PPP2R2B: variants seen among roughly 807,000 people sequenced by gnomAD.
The protein encoded by PPP2R2B is serine/threonine-protein phosphatase 2A 55 kDa regulatory subunit B beta isoform.
Under a neutral mutation model 46.0 loss-of-function variants are expected in PPP2R2B, and 5 were observed. The ratio of observed to expected loss-of-function variants is 0.11; its 90% confidence interval spans 0.06 to 0.23. PPP2R2B has a LOEUF of 0.23. Among genes scored for constraint, PPP2R2B ranks in the 10% least tolerant of loss-of-function variants. The probability of loss-of-function intolerance (pLI) is 1.00; values close to 1 mark genes in which losing one functional copy is unlikely to be tolerated. For synonymous variants in PPP2R2B, 215 were observed against 206.7 expected, an observed-to-expected ratio of 1.04 and a Z score of -0.34; for missense variants, 367 against 575.0, an observed-to-expected ratio of 0.64 and a Z score of 3.70.
Position 146,602,735 on chromosome 5 carries a change from G to A in PPP2R2B, c.791-2275C>T, listed in dbSNP as rs112204686. ...TAGCAACAAAAGCCCTGATCAATCA[G>A]AATTGAAATTGCAAAAATTTTAAAA... On this transcript the variant is annotated intron_variant, in intron 7 of 9. Transcript: ENST00000394411. 8.7e-3 allele frequency among the ~76,000 whole-genome samples: 1,331 copies of A among 152,212 alleles called. 23 individuals are homozygous for A. The highest frequency in any genetic ancestry group is 0.03 in the African/African-American group (1,265 of 41,510).
At chr5:146,718,431 G>A (rs1780616021) in intron 2 of PPP2R2B, among the ~76,000 whole-genome samples, 1 of 151,708 alleles carries the variant, frequency 6.6e-6, no homozygotes, top group African/African-American at 2.4e-5. Context: ...ATTAATATTT[G>A]TAGCCTGATC....
At chr5:146,838,576 A>C (rs914926857) in intron 2 of PPP2R2B, among the ~76,000 whole-genome samples, 24 of 151,816 alleles carry the variant, frequency 1.6e-4, no homozygotes, top group Admixed American at 3.3e-4. Flanking sequence ...ATCTCAAAAA[A>C]AAAAAAAAGA....
At position 146,590,116 on chromosome 5, in the gene PPP2R2B, A is replaced by G; in HGVS notation, c.1163T>C (p.Leu388Pro). The change falls in exon 10 of 10, where the codon CTC becomes CCC. Residue 388 changes from leucine to proline, a missense_variant. Physicochemically the swap from Leu to Pro is moderately conservative, Grantham distance 98 (BLOSUM62 -3). This residue lies in a region of PPP2R2B where 361 missense variants were observed against 545.5 expected (regional missense o/e 0.66). Coordinates refer to ENST00000394411, the MANE Select transcript of PPP2R2B (RefSeq NM_181675.4). ...SRENSKPRAI[L>P]KPRKVCVGGK... ...CCCCACACACACTTTTCGGGGTTTG[A>G]GGATAGCCCGGGGCTTGCTGTTTTC... 1 of 1,614,086 alleles carries G rather than the reference A, an allele frequency of 6.2e-7. No homozygotes were observed. The highest frequency in any genetic ancestry group is 8.5e-7 in the Non-Finnish European group (1 of 1,180,036).
rs1237633037 is a variant in PPP2R2B, at chr5:146,586,599, A to G, written c.*3348T>C. ...ACTTATTTCATTGGGCCACTGAGCT[A>G]GCAGAATTTTAGCTTCATCTTTATT... On this transcript the variant is annotated 3_prime_UTR_variant, in exon 10 of 10. Transcript: ENST00000394411. 1 of 152,234 alleles carries G rather than the reference A, an allele frequency of 6.6e-6. No homozygotes were observed. Among genetic ancestry groups the G allele is most frequent in the African/African-American group, 2.4e-5 (1 of 41,476 alleles). 9.4% of individuals were successfully genotyped at this position (152,234 alleles called of 1,614,324 possible).
At chr5:146,636,553 C>A (rs1412461783) in intron 7 of PPP2R2B, among the ~76,000 whole-genome samples, 1 of 152,190 alleles carries the variant, frequency 6.6e-6, no homozygotes, top group African/African-American at 2.4e-5. Context: ...ACCCAGAGCA[C>A]ATGGGAGGAA....
At chr5:147,042,297 C>T (rs1756350736) in intron 1 of PPP2R2B, among the ~76,000 whole-genome samples, 1 of 152,068 alleles carries the variant, frequency 6.6e-6, no homozygotes, top group South Asian at 2.1e-4. Context: ...GAACTTTGAG[C>T]ATTAGCCGTC....
rs760136602 is a variant in PPP2R2B at position 146,592,928 on chromosome 5, A to G, written c.1052+43T>C. The G allele has an allele frequency of 3.2e-6, 5 of 1,552,648 alleles. No individual in the cohort carries two copies. In the South Asian group the frequency reaches 3.3e-5, roughly 10 times the overall value. Reference sequence around the variant, plus strand: ...AGGATAAATTCCCTGAGCCTCTTCAAGACAATCTTTGGAAGGTTCTTCAGC... The same window carrying G: ...AGGATAAATTCCCTGAGCCTCTTCAGGACAATCTTTGGAAGGTTCTTCAGC... On this transcript the variant is annotated intron_variant, in intron 9 of 9. Transcript: ENST00000394411.
intron 2 of PPP2R2B, among the ~76,000 whole-genome samples, chr5:146,739,646 T>C (rs936464923): frequency 5.9e-5 from 9 of 152,184 alleles, no homozygotes; most frequent in African/African-American, 2.2e-4. Flanking sequence ...GCATCAAAGA[T>C]TTTAAGGAAA....
At position 147,040,402 on chromosome 5, in the gene PPP2R2B, G is replaced by C. The variant is rs13435960; in HGVS notation, c.79+15263C>G. Among the ~76,000 whole-genome samples the C allele has an allele frequency of 1.1e-3, 160 of 152,092 alleles. 1 individual carries two copies. Among genetic ancestry groups the C allele is most frequent in the African/African-American group, 3.7e-3 (154 of 41,482 alleles). ...AGTTTAAAACAATTTCCAAACAGAA[G>C]ACTAGAAATACTGCAAATAAAGTGA... On this transcript the variant is annotated intron_variant, in intron 1 of 8. Coordinates refer to the PPP2R2B transcript ENST00000336640.
chr5:147,009,427 A>G (rs963854370), intron 1 of PPP2R2B, among the ~76,000 whole-genome samples: 1 of 152,152 alleles, frequency 6.6e-6, no homozygotes, highest in Non-Finnish European at 1.5e-5. Context: ...TAGATAATTC[A>G]TATTTCTTTG....
chr5:146,927,814 A>C (rs1483162225), intron 1 of PPP2R2B, among the ~76,000 whole-genome samples: 1 of 149,106 alleles, frequency 6.7e-6, no homozygotes, highest in Admixed American at 6.7e-5. Flanking sequence ...GCTGACTGCA[A>C]CCTCTGCCTC....
At chr5:146,742,423 G>A (rs1351613380) in intron 2 of PPP2R2B, among the ~76,000 whole-genome samples, 1 of 152,022 alleles carries the variant, frequency 6.6e-6, no homozygotes, top group African/African-American at 2.4e-5. Context: ...AGTTGTTCTG[G>A]ATCCTTTTAC....
At chr5:146,645,170 G>T (rs919965961) in intron 6 of PPP2R2B, among the ~76,000 whole-genome samples, 15 of 152,210 alleles carry the variant, frequency 9.9e-5, no homozygotes, top group African/African-American at 3.6e-4. Context: ...TGTTTGATGA[G>T]TGTGATTTCC....
In PPP2R2B at chr5:146,600,475, CA is replaced by C. The variant is rs772162797; in HGVS notation, c.791-16del. ...CTCTTCAAAAACTGCAGAACAAAAG[CA>C]AAACAAGACAAATTTAGCAATCCTT... is the stretch of plus-strand genomic sequence containing the variant. On this transcript the variant is annotated splice_polypyrimidine_tract_variant and intron_variant, in intron 7 of 9. Transcript: ENST00000394411. The C allele has an allele frequency of 4.6e-4, 737 of 1,612,256 alleles. No individual in the cohort carries two copies. Among genetic ancestry groups the C allele is most frequent in the Middle Eastern group, 6.6e-4 (4 of 6,074 alleles).
At chr5:147,030,414 AT>A (rs1755726610) in intron 1 of PPP2R2B, among the ~76,000 whole-genome samples, 2 of 152,168 alleles carry the variant, frequency 1.3e-5, no homozygotes, top group African/African-American at 4.8e-5. Context: ...AAAATATCCC[AT>A]TAAAAAGTTC....
At chr5:146,835,345 A>G (rs1232302178) in intron 2 of PPP2R2B, among the ~76,000 whole-genome samples, 2 of 152,192 alleles carry the variant, frequency 1.3e-5, no homozygotes, top group Non-Finnish European at 2.9e-5. Context: ...GCCAAGTTAA[A>G]TCAGAAATTT....
intron 1 of PPP2R2B, among the ~76,000 whole-genome samples, chr5:146,883,979 G>A (rs1022812677): frequency 1.3e-5 from 2 of 151,240 alleles, no homozygotes; most frequent in African/African-American, 2.4e-5. Context: ...TGCTGATCAC[G>A]TACATGTCTT....
At chr5:147,033,444 C>A (rs1755890267) in intron 1 of PPP2R2B, among the ~76,000 whole-genome samples, 1 of 152,090 alleles carries the variant, frequency 6.6e-6, no homozygotes, top group African/African-American at 2.4e-5. Context: ...TACTGTATGA[C>A]CAGTACTCAT....
At chr5:146,626,614 G>A (rs1774082130) in intron 7 of PPP2R2B, among the ~76,000 whole-genome samples, 1 of 152,296 alleles carries the variant, frequency 6.6e-6, no homozygotes, top group African/African-American at 2.4e-5. Context: ...GCCCCCAGGT[G>A]CTTGTGGCTG....
Sources: gnomAD v4.1 joint callset for allele counts (sites outside exome capture counted in the v4.1 genomes callset) on GRCh38, gnomAD v4.1.1 for gene constraint, gnomAD v4.1.1 regional missense constraint, MANE v1.5 for transcripts, NCBI Gene and HGNC (gene_info 2026-07-23, HGNC 2026-07-21) for gene names.